UBR2: variants seen among roughly 807,000 people sequenced by gnomAD.
UBR2 encodes the protein E3 ubiquitin-protein ligase UBR2.
In UBR2, 92 loss-of-function variants were observed where a neutral mutation model predicts 247.9. The observed-to-expected ratio is 0.37, with a 90% CI of 0.31 to 0.44. The LOEUF (loss-of-function observed/expected upper bound fraction) is 0.44, where lower values mean the gene tolerates loss of function less well. Ranked by LOEUF, UBR2 falls within the 20% of genes least tolerant of loss-of-function variation. The pLI, the probability that UBR2 is intolerant of heterozygous loss-of-function variation, is 1.00. For missense variants in UBR2, 1,613 were observed against 2,112.6 expected, an observed-to-expected ratio of 0.76 and a Z score of 4.64; for synonymous variants, 672 against 693.5, an observed-to-expected ratio of 0.97 and a Z score of 0.49.
At chr6:42,624,355 G>T (rs1376588527) in intron 11 of UBR2, among the ~76,000 whole-genome samples, 1 of 141,886 alleles carries the variant, frequency 7.0e-6, no homozygotes, top group South Asian at 2.2e-4. Context: ...GTGTTGCTTT[G>T]TTGCCCAGGC....
intron 13 of UBR2, among the ~76,000 whole-genome samples, chr6:42,634,504 G>C (rs554195023): frequency 1.3e-4 from 20 of 152,270 alleles, no homozygotes; most frequent in Non-Finnish European, 2.1e-4. Context: ...GCCCAGGCGG[G>C]AGTGCAGTGG....
chr6:42,677,413 T>C (rs1798775426), intron 40 of UBR2, among the ~76,000 whole-genome samples: 1 of 152,218 alleles, frequency 6.6e-6, no homozygotes. Flanking sequence ...GTTTTTTGAC[T>C]ATCCCATTTC....
At chr6:42,574,778 C>T (rs567840959) in intron 2 of UBR2, among the ~76,000 whole-genome samples, 6 of 151,820 alleles carry the variant, frequency 4.0e-5, no homozygotes, top group African/African-American at 9.7e-5. Context: ...TCACTGCAAC[C>T]TCCACCTGCC....
chr6:42,621,424 C>G (rs937291126), intron 11 of UBR2, among the ~76,000 whole-genome samples: 4 of 152,044 alleles, frequency 2.6e-5, no homozygotes, highest in African/African-American at 4.8e-5. Flanking sequence ...GTTAAATCTT[C>G]CAGCTTTATT....
At chr6:42,684,592 A>G (rs1358633923) in intron 43 of UBR2, among the ~76,000 whole-genome samples, 1 of 151,720 alleles carries the variant, frequency 6.6e-6, no homozygotes, top group African/African-American at 2.4e-5. Flanking sequence ...CAAAAAAAAA[A>G]CAAAAAACAA....
intron 25 of UBR2, 142 bp from the exon 26 acceptor site, chr6:42,655,479 A>T: frequency 4.2e-6 from 2 of 481,606 alleles, no homozygotes; most frequent in Non-Finnish European, 7.2e-6. Flanking sequence ...AAAAAAAATT[A>T]GTACTTCAAA....
chr6:42,689,677 A>G lies in UBR2; in HGVS notation c.5126+7A>G. ...AGACCGACCAGGGACTCAGGTAAGA[A>G]CCCATCCTGAGTTAGCTAACTCAGG... On this transcript the variant is annotated splice_region_variant and intron_variant, in intron 46 of 46. Transcript: ENST00000372901. The surrounding 1 kb of genome is among the most constrained non-coding windows in gnomAD (Gnocchi z 4.0). 1 of 1,612,994 alleles carries G rather than the reference A, an allele frequency of 6.2e-7. No individual in the cohort carries two copies. Among genetic ancestry groups the G allele is most frequent in the Non-Finnish European group, 8.5e-7 (1 of 1,179,024 alleles).
intron 1 of UBR2, among the ~76,000 whole-genome samples, chr6:42,564,625 C>G (rs372241645): frequency 2.0e-5 from 3 of 152,380 alleles, no homozygotes; most frequent in African/African-American, 7.2e-5. Context: ...TTTACTTTCC[C>G]TTTCTGCCCA....
rs1166838258 is a variant in UBR2 at position 42,689,246 on chromosome 6, C to T, written c.5025-323C>T. On this transcript the variant is annotated intron_variant, in intron 45 of 46. Transcript: ENST00000372901. The surrounding 1 kb of genome is among the most constrained non-coding windows in gnomAD (Gnocchi z 4.0). ...AGGCATGACATGAGTGTGGGCTCCT[C>T]TGGAGCATAGGTTGTATCCATAGCT... Among the ~76,000 whole-genome samples the T allele has an allele frequency of 6.6e-6, 1 of 152,172 alleles. No individual in the cohort carries two copies. The highest frequency in any genetic ancestry group is 2.4e-5 in the African/African-American group (1 of 41,450).
chr6:42,576,336 T>C (rs574877898), intron 2 of UBR2, among the ~76,000 whole-genome samples: 1 of 152,302 alleles, frequency 6.6e-6, no homozygotes, highest in South Asian at 2.1e-4. Context: ...TTCCTTTGCA[T>C]ATTTTTAATT....
Position 42,658,014 on chromosome 6 carries a change from T to C in UBR2, c.2873-10T>C, listed in dbSNP as rs754442953. 6.3e-7 allele frequency: 1 copy of C among 1,599,998 alleles called. No homozygotes were observed. The highest frequency in any genetic ancestry group is 1.1e-5 in the South Asian group (1 of 90,206). On this transcript the variant is annotated splice_polypyrimidine_tract_variant and intron_variant, in intron 26 of 46. Transcript: ENST00000372901. The stretch of plus-strand genomic sequence containing the variant: ...CTATTGTTATTGTGCCTTTTATTTT[T>C]CTGCCGTAGAACCTGGTGAAGCGCC...
At chr6:42,608,947 G>A (rs769058152) in intron 7 of UBR2, among the ~76,000 whole-genome samples, 4 of 152,036 alleles carry the variant, frequency 2.6e-5, no homozygotes, top group Non-Finnish European at 5.9e-5. Flanking sequence ...CTTCCTTAAT[G>A]TCTCAACATA....
intron 1 of UBR2, among the ~76,000 whole-genome samples, chr6:42,567,334 T>A (rs954346402): frequency 6.6e-6 from 1 of 152,198 alleles, no homozygotes; most frequent in Admixed American, 6.5e-5. Flanking sequence ...TCTTTTCTTG[T>A]TAGAATTGAC....
intron 16 of UBR2, 35 bp downstream of exon 16, chr6:42,640,305 T>C (rs1230906494): frequency 2.6e-6 from 4 of 1,542,596 alleles, no homozygotes; most frequent in Non-Finnish European, 3.5e-6. Context: ...TGAATACTTA[T>C]TTATTATGTT....
chr6:42,603,680 G>A lies in UBR2; in HGVS notation c.624G>A (p.Trp208Ter). ...TFRYAVEILT[W>*]EKESELPADL... ...GGTATGCAGTAGAAATATTAACCTG[G>A]GAAAAAGAAAGTGAATTGCCAGCAG... Residue 208 changes from tryptophan (W) to a stop codon, truncating the protein, a stop_gained, in exon 5 of 47, where the codon TGG (tryptophan) becomes TGA (stop). Transcript: ENST00000372901. LOFTEE classifies it high-confidence loss of function. 1 of 1,599,256 alleles carries A rather than the reference G, an allele frequency of 6.3e-7. No homozygotes were observed. Among genetic ancestry groups the A allele is most frequent in the Non-Finnish European group, 8.5e-7 (1 of 1,176,448 alleles).
chr6:42,688,132 A>G (rs534671744), intron 44 of UBR2, 84 bp from the exon 45 acceptor site: 3 of 1,547,854 alleles, frequency 1.9e-6, no homozygotes, highest in Admixed American at 3.4e-5. Flanking sequence ...ATATTGCAGA[A>G]TTCTTTTCTG....
chr6:42,637,191 G>A lies in UBR2; in HGVS notation c.1855G>A (p.Ala619Thr). 1.9e-6 allele frequency: 3 copies of A among 1,607,874 alleles called. No homozygotes were observed. Among genetic ancestry groups the A allele is most frequent in the Non-Finnish European group, 2.6e-6 (3 of 1,176,370 alleles). Reference sequence around the variant, plus strand: ...TCACCTCCCAGTTTCTCGCTTACTTGCAGGTAAAGCATTTCCCCTAAAATA... The same window carrying A: ...TCACCTCCCAGTTTCTCGCTTACTTACAGGTAAAGCATTTCCCCTAAAATA... ...SIHLPVSRLL[A>T]GLHVLLSKSE... Residue 619 changes from alanine to threonine, a missense_variant, in exon 15 of 47, where the codon GCA becomes ACA. Coordinates refer to ENST00000372901, the MANE Select transcript of UBR2 (RefSeq NM_001363705.2).
At chr6:42,579,205 T>A (rs1791717974) in intron 2 of UBR2, among the ~76,000 whole-genome samples, 1 of 152,098 alleles carries the variant, frequency 6.6e-6, no homozygotes, top group African/African-American at 2.4e-5. Flanking sequence ...CAGTCATGGC[T>A]GAAGGGGAAA....
At chr6:42,683,628 G>A (rs888325093) in intron 43 of UBR2, among the ~76,000 whole-genome samples, 2 of 152,080 alleles carry the variant, frequency 1.3e-5, no homozygotes, top group African/African-American at 4.8e-5. Flanking sequence ...TACAAGTTGC[G>A]CATCTCTAAT....
Sources: gnomAD v4.1 joint callset for allele counts (sites outside exome capture counted in the v4.1 genomes callset) on GRCh38, gnomAD v4.1.1 for gene constraint, Gnocchi (gnomAD v3.1) non-coding constraint, MANE v1.5 for transcripts, NCBI Gene and HGNC (gene_info 2026-07-23, HGNC 2026-07-21) for gene names.